SLC3A1: variants seen among roughly 807,000 people sequenced by gnomAD.
The protein encoded by SLC3A1 is solute carrier family 3 member 1.
Under a neutral mutation model 60.3 loss-of-function variants are expected in SLC3A1, and 78 were observed. The ratio of observed to expected loss-of-function variants is 1.29; its 90% CI spans 1.08 to 1.56. The LOEUF is 1.56. Among genes scored for constraint, SLC3A1 ranks in the 40% most tolerant of loss-of-function variants. The probability of loss-of-function intolerance (pLI) is 0.00; values close to 1 mark genes in which losing one functional copy is unlikely to be tolerated. For synonymous variants in SLC3A1, 392 were observed against 307.9 expected, an observed-to-expected ratio of 1.27 and a Z score of -2.86; for missense variants, 1,172 against 858.9, an observed-to-expected ratio of 1.36 and a Z score of -4.56.
At chr2:44,310,356 A>G (rs773297156) in intron 7 of SLC3A1, among the ~76,000 whole-genome samples, 4 of 152,242 alleles carry the variant, frequency 2.6e-5, no homozygotes, top group Non-Finnish European at 5.9e-5. Context: ...TCATCATAGT[A>G]CAAATGAAGT....
chr2:44,307,874 TTA>T (rs1353007135), intron 7 of SLC3A1, among the ~76,000 whole-genome samples: 1 of 152,212 alleles, frequency 6.6e-6, no homozygotes, highest in Non-Finnish European at 1.5e-5. Context: ...ACTTGTACTT[TTA>T]GTGTTATATT....
chr2:44,301,269 C>T, intron 6 of SLC3A1, 142 bp downstream of exon 6: 1 of 1,032,458 alleles, frequency 9.7e-7, no homozygotes, highest in Non-Finnish European at 1.5e-6. Flanking sequence ...TTTGGTTGTA[C>T]CAGGGCCTGC....
At chr2:44,318,006 T>A (rs1672573918) in intron 9 of SLC3A1, 2 of 348,768 alleles carry the variant, frequency 5.7e-6, no homozygotes, top group South Asian at 4.1e-5. Context: ...ACACAAAAAA[T>A]GAAGTTATCT....
Position 44,299,965 on chromosome 2 carries a change from C to T in SLC3A1, c.892-6C>T, listed in dbSNP as rs114640930. The T allele has an allele frequency of 6.2e-7, 1 of 1,613,976 alleles. No individual in the cohort carries two copies. Among genetic ancestry groups the T allele is most frequent in the South Asian group, 1.1e-5 (1 of 91,078 alleles). ...GTAACCAAGCATTTTGCTTCTTCAT[C>T]TTTAGGAAATTTTACGGTTCTGGCT... On this transcript the variant is annotated splice_region_variant and splice_polypyrimidine_tract_variant and intron_variant, in intron 4 of 9. Transcript: ENST00000260649.
chr2:44,301,350 C>T, intron 6 of SLC3A1: 1 of 629,058 alleles, frequency 1.6e-6, no homozygotes, highest in South Asian at 1.9e-5. Context: ...GCAGATCACA[C>T]TACGTACTTC....
chr2:44,320,764 T>C lies in SLC3A1; in HGVS notation c.*125T>C. On this transcript the variant is annotated 3_prime_UTR_variant, in exon 10 of 10. Transcript: ENST00000260649. ...TTCTTCGATATTTCTGTAGCTTGAA[T>C]GTAACTGCTTTAAGAAAGGTTCTCA... 1 of 816,798 alleles carries C rather than the reference T, an allele frequency of 1.2e-6. No individual in the cohort carries two copies. Among genetic ancestry groups the C allele is most frequent in the Non-Finnish European group, 2.1e-6 (1 of 487,506 alleles). 50.6% of individuals were successfully genotyped at this position (816,798 alleles called of 1,614,324 possible). A position where few individuals can be genotyped will look rare whatever the true frequency, so the allele number is the denominator to read the frequency against.
intron 4 of SLC3A1, among the ~76,000 whole-genome samples, chr2:44,286,547 G>T (rs1031057732): frequency 6.9e-6 from 1 of 145,068 alleles, no homozygotes; most frequent in Non-Finnish European, 1.5e-5. Flanking sequence ...TGAGCTGTGC[G>T]GTGCCTGTGA....
chr2:44,296,273 ATTTTTGTGTT>A (rs1671843082), intron 4 of SLC3A1, among the ~76,000 whole-genome samples: 2 of 152,018 alleles, frequency 1.3e-5, no homozygotes, highest in Non-Finnish European at 2.9e-5. Flanking sequence ...TGATTTAAAT[ATTTTTGTGTT>A]GCTATTTGTC....
chr2:44,305,895 G>C (rs1672142447), intron 7 of SLC3A1, among the ~76,000 whole-genome samples: 1 of 152,114 alleles, frequency 6.6e-6, no homozygotes, highest in Non-Finnish European at 1.5e-5. Flanking sequence ...CCCAAATGAG[G>C]TGTCAGGTCT....
chr2:44,304,491 C>A (rs1422127978), intron 7 of SLC3A1, among the ~76,000 whole-genome samples, 153 bp downstream of exon 7: 1 of 152,156 alleles, frequency 6.6e-6, no homozygotes, highest in Non-Finnish European at 1.5e-5. Context: ...CAGCCTCTGC[C>A]AGGTTCTTTT....
intron 5 of SLC3A1, 76 bp downstream of exon 5, chr2:44,300,166 GATACCAGTTAC>G: frequency 6.9e-7 from 1 of 1,441,352 alleles, no homozygotes; most frequent in Non-Finnish European, 9.7e-7. Context: ...CTCAGCCTGA[GATACCAGTTAC>G]AAAGATGAGT....
intron 4 of SLC3A1, among the ~76,000 whole-genome samples, chr2:44,290,750 C>T (rs1472537069): frequency 2.1e-5 from 3 of 141,404 alleles, no homozygotes; most frequent in Non-Finnish European, 4.6e-5. Context: ...GGAATTGGTT[C>T]TGGAAGTAAG....
chr2:44,280,654 AT>A, intron 1 of SLC3A1, 61 bp from the exon 2 acceptor site: 5 of 1,157,576 alleles, frequency 4.3e-6, no homozygotes, highest in Non-Finnish European at 6.4e-6. Context: ...TATTTGTTAT[AT>A]TTTTTGTCCT....
intron 4 of SLC3A1, among the ~76,000 whole-genome samples, chr2:44,288,754 T>G (rs1671672840): frequency 6.6e-6 from 1 of 152,376 alleles, no homozygotes; most frequent in African/African-American, 2.4e-5. Flanking sequence ...TTGAACATCT[T>G]TTTATGTGCT....
rs952038183 is a variant in SLC3A1, at chr2:44,290,512, T to A, written c.891+4355T>A. ...GGATTGCATTGAATCTGTGGTTCAC[T>A]CTGGGGAACATAGCCATCTTATGTT... On this transcript the variant is annotated intron_variant, in intron 4 of 9. Coordinates refer to ENST00000260649, the MANE Select transcript of SLC3A1 (RefSeq NM_000341.4). 2.4e-4 allele frequency among the ~76,000 whole-genome samples: 36 copies of A among 152,204 alleles called. 1 individual carries two copies. The highest frequency in any genetic ancestry group is 5.9e-5 in the Non-Finnish European group (4 of 68,030).
At chr2:44,321,953 G>T, downstream of SLC3A1, 1 of 1,541,064 alleles carries the variant, frequency 6.5e-7, no homozygotes, top group South Asian at 1.2e-5. Context: ...ATCTTCTTTG[G>T]AAGATCGAGA....
At position 44,304,221 on chromosome 2, in the gene SLC3A1, T is replaced by C; in HGVS notation, c.1215T>C (p.Ala405=). 1 of 1,614,124 alleles carries C rather than the reference T, an allele frequency of 6.2e-7. No homozygotes were observed. The highest frequency in any genetic ancestry group is 8.5e-7 in the Non-Finnish European group (1 of 1,179,942). ...ATGGATTGCCATTTATCCAAGAAGC[T>C]GATTTTCCCTTCAACAATTACCTCA... ...MYYGLPFIQE[A]DFPFNNYLSM... Residue 405 remains alanine, a synonymous_variant, in exon 7 of 10, where the codon GCT becomes GCC. Coordinates refer to ENST00000260649, the MANE Select transcript of SLC3A1 (RefSeq NM_000341.4).
intron 9 of SLC3A1, chr2:44,319,067 G>A (rs150460008): frequency 8.1e-4 from 123 of 152,514 alleles, no homozygotes; most frequent in African/African-American, 2.8e-3. Flanking sequence ...TAAGGCTAGA[G>A]AAAATGTTAA....
intron 7 of SLC3A1, among the ~76,000 whole-genome samples, chr2:44,308,003 G>C (rs532645490): frequency 6.6e-6 from 1 of 152,246 alleles, no homozygotes; most frequent in South Asian, 2.1e-4. Flanking sequence ...GGCTGGGCGT[G>C]GTGGCTCACA....
Sources: allele counts gnomAD v4.1 joint callset (sites outside exome capture counted in the v4.1 genomes callset), GRCh38; gene constraint gnomAD v4.1.1; transcripts MANE v1.5; gene names NCBI Gene and HGNC (gene_info 2026-07-23, HGNC 2026-07-21).